The following CCDC122 variants were observed in gnomAD, a reference collection of about 807,000 sequenced individuals.
CCDC122 encodes coiled-coil domain containing 122.
A neutral mutation model predicts 37.0 loss-of-function variants in CCDC122; 38 were observed. The observed-to-expected ratio is 1.03, with a 90% confidence interval of 0.79 to 1.35. CCDC122 has a LOEUF of 1.35. CCDC122 is among the 40% of genes most tolerant of loss of function. The pLI is 0.00. For missense variants in CCDC122, 305 were observed against 310.0 expected (o/e 0.98, Z 0.12); for synonymous variants, 83 against 95.6 (o/e 0.87, Z 0.77).
chr13:43,826,312 C>G (rs1167746091), intron 3 of CCDC122, among the ~76,000 whole-genome samples: 1 of 152,032 alleles, frequency 6.6e-6, no homozygotes, highest in Non-Finnish European at 1.5e-5. Flanking sequence ...ACTTACTTAC[C>G]TAAATTGTGA....
At chr13:43,831,110 A>G (rs1953085325) in intron 3 of CCDC122, among the ~76,000 whole-genome samples, 1 of 152,212 alleles carries the variant, frequency 6.6e-6, no homozygotes, top group Non-Finnish European at 1.5e-5. Flanking sequence ...AAATTAAAAT[A>G]CTATCAACAT....
In CCDC122 at chr13:43,849,070, C is replaced by T. The variant is rs989467456; in HGVS notation, c.672+9711G>A. 6 of 903,614 alleles carry T rather than the reference C, an allele frequency of 6.6e-6. No individual in the cohort carries two copies. The African/African-American group carries it at 1.1e-4, about 16-fold the overall frequency. The allele number at this position is 903,614 out of a possible 1,614,324, so 56.0% of individuals were successfully genotyped here. A position where few individuals can be genotyped will look rare whatever the true frequency, so the allele number is the denominator to read the frequency against. On this transcript the variant is annotated intron_variant, in intron 6 of 6. Transcript: ENST00000444614. ...AAATGGTCTGACTATATTGGTCCTT[C>T]AGCTTCATAATTTGTTGTGAAGAAT...
chr13:43,843,016 T>C (rs1953406847), intron 6 of CCDC122, among the ~76,000 whole-genome samples: 1 of 152,096 alleles, frequency 6.6e-6, no homozygotes, highest in South Asian at 2.1e-4. Flanking sequence ...TATATTTACT[T>C]TTTTCTTATA....
chr13:43,861,928 C>A (rs1367033678), intron 4 of CCDC122, among the ~76,000 whole-genome samples: 2 of 152,078 alleles, frequency 1.3e-5, no homozygotes, highest in Admixed American at 1.3e-4. Flanking sequence ...TTTCCCTTAC[C>A]CCCACAACCT....
At chr13:43,843,950 G>C (rs1430968490) in intron 6 of CCDC122, among the ~76,000 whole-genome samples, 1 of 151,254 alleles carries the variant, frequency 6.6e-6, no homozygotes, top group Non-Finnish European at 1.5e-5. Context: ...CTCTTTTCTT[G>C]ATCAGTATTG....
At chr13:43,869,941 G>A (rs762571426) in intron 2 of CCDC122, among the ~76,000 whole-genome samples, 1 of 152,006 alleles carries the variant, frequency 6.6e-6, no homozygotes, top group Non-Finnish European at 1.5e-5. Flanking sequence ...GAGAGGGCAG[G>A]CCCTAAGCAA....
intron 6 of CCDC122, among the ~76,000 whole-genome samples, chr13:43,838,301 T>C (rs1462428262): frequency 6.6e-6 from 1 of 152,166 alleles, no homozygotes; most frequent in Non-Finnish European, 1.5e-5. Context: ...CTGTATACAG[T>C]GATTCACTGA....
chr13:43,869,196 A>G (rs1954368440), intron 3 of CCDC122, 135 bp downstream of exon 3: 2 of 703,356 alleles, frequency 2.8e-6, no homozygotes, highest in Non-Finnish European at 2.5e-6. Flanking sequence ...AACACTGTAT[A>G]TGTTTGTCCC....
chr13:43,845,457 T>C (rs1953486843), intron 6 of CCDC122, among the ~76,000 whole-genome samples: 1 of 152,256 alleles, frequency 6.6e-6, no homozygotes, highest in Non-Finnish European at 1.5e-5. Context: ...ATGCCTGTAA[T>C]CCCAGCACTT....
At chr13:43,822,105 G>A (rs963123975), downstream of CCDC122, among the ~76,000 whole-genome samples, 13 of 152,182 alleles carry the variant, frequency 8.5e-5, no homozygotes, top group African/African-American at 3.1e-4. Flanking sequence ...TGTCTTTGCA[G>A]TCTGGGCTGG....
At chr13:43,845,219 G>A (rs745764447) in intron 6 of CCDC122, among the ~76,000 whole-genome samples, 52 of 152,008 alleles carry the variant, frequency 3.4e-4, no homozygotes, top group Non-Finnish European at 6.9e-4. Flanking sequence ...ATCAGTACAT[G>A]TAAAAATATA....
chr13:43,820,870 T>C (rs998341409), downstream of CCDC122, among the ~76,000 whole-genome samples: 1 of 152,224 alleles, frequency 6.6e-6, no homozygotes, highest in Non-Finnish European at 1.5e-5. Flanking sequence ...TAATTACACA[T>C]TTTGAAGGGT....
chr13:43,868,680 T>C lies in CCDC122; in HGVS notation c.156+14A>G, dbSNP rs752397020. The stretch of plus-strand genomic sequence containing the variant: ...GAAAGTAAAGACATTTAAAAGACTA[T>C]ATAAAGAAGTTACCTTCAAATTGAA... On this transcript the variant is annotated intron_variant, in intron 4 of 6. Transcript: ENST00000444614. 4.4e-6 allele frequency: 6 copies of C among 1,364,630 alleles called. No homozygotes were observed. Among genetic ancestry groups the C allele is most frequent in the East Asian group, 2.5e-5 (1 of 40,658 alleles). 84.5% of individuals were successfully genotyped at this position (1,364,630 alleles called of 1,614,324 possible). A position where few individuals can be genotyped will look rare whatever the true frequency, so the allele number is the denominator to read the frequency against.
chr13:43,836,449 A>G lies in CCDC122; in HGVS notation c.*831T>C, dbSNP rs1409967691. ...GATTGTTACCTTCTGGATAAAAGAG[A>G]AAATGGAGTAAAATATTTGAAGCAT... is the stretch of plus-strand genomic sequence containing the variant. On this transcript the variant is annotated 3_prime_UTR_variant, in exon 7 of 7. Coordinates refer to ENST00000444614, the MANE Select transcript of CCDC122 (RefSeq NM_144974.5). 1.3e-5 allele frequency: 2 copies of G among 152,304 alleles called. No homozygotes were observed. The highest frequency in any genetic ancestry group is 2.9e-5 in the Non-Finnish European group (2 of 68,036). 9.4% of individuals were successfully genotyped at this position (152,304 alleles called of 1,614,324 possible).
At chr13:43,826,648 G>T (rs532639244) in intron 3 of CCDC122, among the ~76,000 whole-genome samples, 31 of 152,168 alleles carry the variant, frequency 2.0e-4, no homozygotes, top group African/African-American at 7.0e-4. Flanking sequence ...AAACCCCTGT[G>T]CCATCAACTA....
chr13:43,840,197 C>G (rs1238732439), intron 6 of CCDC122, among the ~76,000 whole-genome samples: 1 of 152,078 alleles, frequency 6.6e-6, no homozygotes, highest in Non-Finnish European at 1.5e-5. Flanking sequence ...AGAGTTCTTC[C>G]CAGGCCATAT....
At chr13:43,865,395 G>T (rs1354292423) in intron 4 of CCDC122, among the ~76,000 whole-genome samples, 1 of 151,978 alleles carries the variant, frequency 6.6e-6, no homozygotes, top group Non-Finnish European at 1.5e-5. Flanking sequence ...TTATCCAAGG[G>T]GAATATGTTC....
chr13:43,827,855 T>C (rs1248034113), intron 3 of CCDC122, among the ~76,000 whole-genome samples: 1 of 152,176 alleles, frequency 6.6e-6, no homozygotes, highest in Non-Finnish European at 1.5e-5. Flanking sequence ...ATTGTGGCTG[T>C]AACCATTGAA....
chr13:43,872,422 A>G (rs1954481590), intron 2 of CCDC122, among the ~76,000 whole-genome samples: 1 of 152,146 alleles, frequency 6.6e-6, no homozygotes, highest in Admixed American at 6.5e-5. Context: ...CATTTATGTC[A>G]AGTGGGCCCT....
Sources: allele counts gnomAD v4.1 joint callset (sites outside exome capture counted in the v4.1 genomes callset), GRCh38; gene constraint gnomAD v4.1.1; transcripts MANE v1.5; gene names NCBI Gene and HGNC (gene_info 2026-07-23, HGNC 2026-07-21).